Variants in ZNF804B observed in about 807,000 individuals in gnomAD.
ZNF804B encodes the protein zinc finger protein 804B.
Under a neutral mutation model 101.4 loss-of-function variants are expected in ZNF804B, and 80 were observed. The observed-to-expected ratio is 0.79, with a 90% confidence interval of 0.66 to 0.95. The LOEUF is 0.95. ZNF804B is among the 40% of genes least tolerant of loss of function. The pLI is 0.00. For synonymous variants in ZNF804B, 622 were observed against 558.8 expected, an observed-to-expected ratio of 1.11 and a Z score of -1.59; for missense variants, 1,673 against 1,561.9, an observed-to-expected ratio of 1.07 and a Z score of -1.20.
chr7:88,879,013 G>T (rs1369211824), intron 1 of ZNF804B, among the ~76,000 whole-genome samples: 2 of 152,126 alleles, frequency 1.3e-5, no homozygotes, highest in South Asian at 2.1e-4. Flanking sequence ...GGCAATATTA[G>T]GTTCACGATG....
At chr7:88,869,653 A>C (rs544627594) in intron 1 of ZNF804B, among the ~76,000 whole-genome samples, 3 of 152,312 alleles carry the variant, frequency 2.0e-5, no homozygotes, top group Admixed American at 2.0e-4. Context: ...AATGGTGGCA[A>C]TGTTAGGTTT....
At chr7:89,257,552 C>G (rs982962978) in intron 2 of ZNF804B, among the ~76,000 whole-genome samples, 1 of 151,940 alleles carries the variant, frequency 6.6e-6, no homozygotes, top group Admixed American at 6.6e-5. Context: ...AGTCACTACT[C>G]TTTGTATTTA....
At chr7:89,238,692 G>A (rs1264878587) in intron 2 of ZNF804B, among the ~76,000 whole-genome samples, 1 of 150,434 alleles carries the variant, frequency 6.6e-6, no homozygotes, top group East Asian at 1.9e-4. Flanking sequence ...TGCTGGTTTA[G>A]ATTTGTGTTG....
At chr7:89,171,921 G>A (rs546428485) in intron 1 of ZNF804B, among the ~76,000 whole-genome samples, 6 of 152,218 alleles carry the variant, frequency 3.9e-5, no homozygotes, top group African/African-American at 1.4e-4. Flanking sequence ...GGGGAACTCT[G>A]AGATGCCAAA....
intron 1 of ZNF804B, among the ~76,000 whole-genome samples, chr7:89,212,633 A>G (rs1230951989): frequency 6.6e-6 from 1 of 152,160 alleles, no homozygotes; most frequent in Non-Finnish European, 1.5e-5. Context: ...AGTGTTTGTT[A>G]TGCAGATTTA....
intron 1 of ZNF804B, among the ~76,000 whole-genome samples, chr7:88,944,853 T>G (rs2116054000): frequency 6.6e-6 from 1 of 152,016 alleles, no homozygotes; most frequent in East Asian, 1.9e-4. Context: ...CAAAATTTGT[T>G]TCATGCACGA....
At chr7:88,813,601 G>A (rs970043333) in intron 1 of ZNF804B, among the ~76,000 whole-genome samples, 1 of 151,898 alleles carries the variant, frequency 6.6e-6, no homozygotes, top group Non-Finnish European at 1.5e-5. Context: ...ACTAATATAT[G>A]AGATCCATAT....
chr7:89,018,437 C>T (rs1788605898), intron 1 of ZNF804B, among the ~76,000 whole-genome samples: 1 of 150,734 alleles, frequency 6.6e-6, no homozygotes, highest in African/African-American at 2.5e-5. Flanking sequence ...AGGATTGCAT[C>T]CATGCTCTTC....
At chr7:89,229,261 G>T (rs373455405) in intron 2 of ZNF804B, among the ~76,000 whole-genome samples, 21 of 152,348 alleles carry the variant, frequency 1.4e-4, no homozygotes, top group Middle Eastern at 3.4e-3. Context: ...AGCGAGGGCT[G>T]TGAGGACTGC....
intron 1 of ZNF804B, among the ~76,000 whole-genome samples, chr7:88,927,058 G>T (rs1000727237): frequency 6.6e-5 from 10 of 151,978 alleles, no homozygotes; most frequent in Admixed American, 1.3e-4. Flanking sequence ...TGCCCTTCAT[G>T]GTGTTGTTGG....
intron 1 of ZNF804B, among the ~76,000 whole-genome samples, chr7:89,092,329 C>T (rs953815526): frequency 2.0e-5 from 3 of 151,304 alleles, no homozygotes; most frequent in African/African-American, 7.3e-5. Context: ...TTTGGGGGAA[C>T]ACACATTCAG....
rs759715734 is a variant in ZNF804B at position 89,112,012 on chromosome 7, C to T, written c.109-106143C>T. On this transcript the variant is annotated intron_variant, in intron 1 of 3. Transcript: ENST00000333190. Reference sequence around the variant, plus strand: ...CCACAGCTGTTTGGGAGGCTGAGGCCGGAGAATCGCTTGAACCTGGGAGAC... The same window carrying T: ...CCACAGCTGTTTGGGAGGCTGAGGCTGGAGAATCGCTTGAACCTGGGAGAC... Among the ~76,000 whole-genome samples, 9 of 148,690 alleles carry T rather than the reference C, an allele frequency of 6.1e-5. No homozygotes were observed. The South Asian group carries it at 6.4e-4, about 11-fold the overall frequency.
intron 2 of ZNF804B, among the ~76,000 whole-genome samples, chr7:89,248,471 AAAAAG>A (rs1459280931): frequency 6.6e-6 from 1 of 151,726 alleles, no homozygotes; most frequent in Non-Finnish European, 1.5e-5. Flanking sequence ...TCTTTGAAAA[AAAAAG>A]AAAAAAGAAA....
chr7:88,759,928 C>G lies in ZNF804B; in HGVS notation c.-49C>G. The G allele has an allele frequency of 6.5e-7, 1 of 1,536,276 alleles. No homozygotes were observed. Among genetic ancestry groups the G allele is most frequent in the Non-Finnish European group, 9.0e-7 (1 of 1,111,316 alleles). ...TGAGAAACCCGCCCGCTTTCCACGG[C>G]TGGTCGCCTGGTGAGGAGTTGAGAC... On this transcript the variant is annotated 5_prime_UTR_variant, in exon 1 of 4. Transcript: ENST00000333190.
At chr7:89,062,426 A>G (rs962475058) in intron 1 of ZNF804B, among the ~76,000 whole-genome samples, 2 of 152,164 alleles carry the variant, frequency 1.3e-5, no homozygotes, top group Non-Finnish European at 2.9e-5. Context: ...CTCCACCTCA[A>G]AAAGAGTTAG....
intron 1 of ZNF804B, among the ~76,000 whole-genome samples, chr7:89,134,643 A>G (rs1345267776): frequency 2.6e-5 from 4 of 152,090 alleles, no homozygotes; most frequent in Admixed American, 6.6e-5. Context: ...GCCTTGACTC[A>G]GTTGAATAGA....
At chr7:89,289,262 G>A (rs933615249) in intron 2 of ZNF804B, among the ~76,000 whole-genome samples, 1 of 152,000 alleles carries the variant, frequency 6.6e-6, no homozygotes, top group Admixed American at 6.6e-5. Context: ...TATAATGGAG[G>A]AGGAGTGCAG....
intron 1 of ZNF804B, among the ~76,000 whole-genome samples, chr7:89,053,623 C>T (rs1418787481): frequency 6.6e-6 from 1 of 151,902 alleles, no homozygotes; most frequent in African/African-American, 2.4e-5. Flanking sequence ...CATAGTTTTT[C>T]CTGTTTCAGA....
chr7:89,066,352 A>C (rs898118501), intron 1 of ZNF804B, among the ~76,000 whole-genome samples: 1 of 152,066 alleles, frequency 6.6e-6, no homozygotes, highest in African/African-American at 2.4e-5. Flanking sequence ...TTGATCCTGG[A>C]CCAAGGATCA....
Sources: allele counts gnomAD v4.1 joint callset (sites outside exome capture counted in the v4.1 genomes callset), GRCh38; gene constraint gnomAD v4.1.1; transcripts MANE v1.5; gene names NCBI Gene and HGNC (gene_info 2026-07-23, HGNC 2026-07-21).